Variants in ZCWPW2 observed in about 807,000 individuals in gnomAD.
ZCWPW2 encodes zinc finger CW-type and PWWP domain containing 2, also known as zinc finger CW-type PWWP domain protein 2.
ZCWPW2 carries 45 observed loss-of-function variants against 46.6 expected under a neutral mutation model. The ratio of observed to expected loss-of-function variants is 0.96; its 90% CI spans 0.76 to 1.24. The LOEUF (loss-of-function observed/expected upper bound fraction) is 1.24, where lower values mean the gene tolerates loss of function less well. Among genes scored for constraint, ZCWPW2 ranks in the 50% most tolerant of loss-of-function variants. ZCWPW2 has a pLI of 0.00. For synonymous variants in ZCWPW2, 152 were observed against 137.1 expected (o/e 1.11, Z -0.76); for missense variants, 429 against 403.9 (o/e 1.06, Z -0.53).
At chr3:28,352,125 T>TGC (rs1479239971) in intron 1 of ZCWPW2, among the ~76,000 whole-genome samples, 7 of 88,036 alleles carry the variant, frequency 8.0e-5, no homozygotes, top group Admixed American at 1.2e-4. Flanking sequence ...CTCAGATGTA[T>TGC]GCACACACAC....
chr3:28,443,033 C>A (rs183749012), intron 4 of ZCWPW2, among the ~76,000 whole-genome samples: 3 of 152,118 alleles, frequency 2.0e-5, no homozygotes, highest in Non-Finnish European at 2.9e-5. Flanking sequence ...TATGTCTATG[C>A]GAATTATGCA....
Position 28,393,087 on chromosome 3 carries a change from GAAATA to G in ZCWPW2, c.-14+2477_-14+2481del, listed in dbSNP as rs145959690. Among the ~76,000 whole-genome samples the G allele has an allele frequency of 3.5e-3, 528 of 151,692 alleles. 11 individuals carry two copies. Among genetic ancestry groups the G allele is most frequent in the East Asian group, 0.026 (136 of 5,168 alleles). ...ACTAAGAAAAAGGAGAGAGAAGACT[GAAATA>G]AAATAAGAAATGAAAAAGGAGACAT... is the stretch of plus-strand genomic sequence containing the variant. On this transcript the variant is annotated intron_variant, in intron 2 of 9. Transcript: ENST00000383768.
intron 4 of ZCWPW2, among the ~76,000 whole-genome samples, chr3:28,474,620 T>TGTGTGCGCGC (rs777191108): frequency 8.2e-6 from 1 of 121,630 alleles, no homozygotes; most frequent in Non-Finnish European, 1.9e-5. Flanking sequence ...TGTGTGTGTG[T>TGTGTGCGCGC]GCGCGCGCGC....
At chr3:28,356,913 T>C (rs1207670649) in intron 1 of ZCWPW2, among the ~76,000 whole-genome samples, 1 of 151,984 alleles carries the variant, frequency 6.6e-6, no homozygotes, top group Non-Finnish European at 1.5e-5. Flanking sequence ...AAATGACGAG[T>C]TAATGGGTGC....
chr3:28,441,382 C>G (rs1183410163), intron 4 of ZCWPW2, among the ~76,000 whole-genome samples: 1 of 152,232 alleles, frequency 6.6e-6, no homozygotes, highest in African/African-American at 2.4e-5. Context: ...AATCACACAT[C>G]TGGCGATTTC....
chr3:28,420,772 T>G (rs940053067), intron 3 of ZCWPW2, among the ~76,000 whole-genome samples: 2 of 152,082 alleles, frequency 1.3e-5, no homozygotes, highest in African/African-American at 4.8e-5. Context: ...TCTTGAGTAC[T>G]TTTATATGAA....
At chr3:28,364,742 C>T (rs1482034142) in intron 1 of ZCWPW2, among the ~76,000 whole-genome samples, 1 of 152,012 alleles carries the variant, frequency 6.6e-6, no homozygotes, top group African/African-American at 2.4e-5. Context: ...GTGCTGCACC[C>T]ACTGACTTCC....
chr3:28,462,326 GAA>G (rs1328771775), intron 4 of ZCWPW2, among the ~76,000 whole-genome samples: 3 of 152,220 alleles, frequency 2.0e-5, no homozygotes, highest in Non-Finnish European at 4.4e-5. Flanking sequence ...CCTAGACTCT[GAA>G]AAGATTCTTT....
intron 1 of ZCWPW2, among the ~76,000 whole-genome samples, chr3:28,372,875 A>G (rs1472885167): frequency 6.6e-6 from 1 of 152,090 alleles, no homozygotes; most frequent in Middle Eastern, 3.2e-3. Flanking sequence ...AACTTGTGGT[A>G]TTTGATTTTC....
At position 28,365,832 on chromosome 3, in the gene ZCWPW2, G is replaced by C. The variant is rs1268800452; in HGVS notation, c.-134+16629G>C. ...TCCTCTTTTATTTCGTTGAGCAGTG[G>C]TTTGTAGTTTTCCTTGAAGAGGTCC... On this transcript the variant is annotated intron_variant, in intron 1 of 9. Transcript: ENST00000383768. Among the ~76,000 whole-genome samples, 2 of 141,078 alleles carry C rather than the reference G, an allele frequency of 1.4e-5. 1 individual carries two copies. The highest frequency in any genetic ancestry group is 1.5e-4 in the Admixed American group (2 of 13,206). 92.6% of individuals were successfully genotyped at this position (141,078 alleles called of 152,430 possible).
At chr3:28,473,725 A>G (rs1316854140) in intron 4 of ZCWPW2, among the ~76,000 whole-genome samples, 2 of 152,224 alleles carry the variant, frequency 1.3e-5, no homozygotes, top group Non-Finnish European at 2.9e-5. Context: ...ATTCATTTGC[A>G]ACAACATGGA....
At chr3:28,473,835 T>C (rs1477739347) in intron 4 of ZCWPW2, among the ~76,000 whole-genome samples, 2 of 152,156 alleles carry the variant, frequency 1.3e-5, no homozygotes, top group Admixed American at 6.5e-5. Context: ...AGAGTTGAAC[T>C]CATGGATATC....
chr3:28,364,543 C>A (rs1705055441), intron 1 of ZCWPW2, among the ~76,000 whole-genome samples: 1 of 152,058 alleles, frequency 6.6e-6, no homozygotes, highest in Non-Finnish European at 1.5e-5. Context: ...GTTTTTCATA[C>A]TGATTGTATT....
rs866336470 is a variant in ZCWPW2, at chr3:28,355,218, C to G, written c.-134+6015C>G. 6.5e-3 allele frequency among the ~76,000 whole-genome samples: 988 copies of G among 151,764 alleles called. 10 individuals are homozygous for G. Among genetic ancestry groups the G allele is most frequent in the African/African-American group, 0.011 (441 of 41,418 alleles). On this transcript the variant is annotated intron_variant, in intron 1 of 9. Transcript: ENST00000383768. ...TTCTTATACACCAATAACAGACAAA[C>G]AGTCAAATCATGAGTGAACTCCCAT... is the stretch of plus-strand genomic sequence containing the variant.
At chr3:28,462,930 G>C (rs571971463) in intron 4 of ZCWPW2, among the ~76,000 whole-genome samples, 12 of 152,108 alleles carry the variant, frequency 7.9e-5, no homozygotes, top group Admixed American at 7.9e-4. Context: ...TGAGGTTAAG[G>C]CTTTCAGTTG....
intron 1 of ZCWPW2, among the ~76,000 whole-genome samples, chr3:28,356,784 C>T (rs962315089): frequency 2.0e-5 from 3 of 152,114 alleles, no homozygotes; most frequent in Non-Finnish European, 2.9e-5. Context: ...TGTTCTCACT[C>T]ATAGGTGGGA....
At chr3:28,421,865 TGTGTGTG>T (rs1559497754) in intron 3 of ZCWPW2, among the ~76,000 whole-genome samples, 45 of 151,468 alleles carry the variant, frequency 3.0e-4, no homozygotes, top group African/African-American at 1.1e-3. Flanking sequence ...TGTGTGTGTG[TGTGTGTG>T]TGTGTTTAGC....
chr3:28,350,531 G>A (rs1050505083), intron 1 of ZCWPW2, among the ~76,000 whole-genome samples: 1 of 152,126 alleles, frequency 6.6e-6, no homozygotes, highest in Non-Finnish European at 1.5e-5. Context: ...TAACCAGGAT[G>A]TACAAATTTT....
At chr3:28,503,923 G>A (rs1700212712) in intron 6 of ZCWPW2, among the ~76,000 whole-genome samples, 1 of 151,924 alleles carries the variant, frequency 6.6e-6, no homozygotes, top group Non-Finnish European at 1.5e-5. Flanking sequence ...TTGCCAAGCA[G>A]GGTGGCTCAT....
Sources: gnomAD v4.1 joint callset for allele counts (sites outside exome capture counted in the v4.1 genomes callset) on GRCh38, gnomAD v4.1.1 for gene constraint, MANE v1.5 for transcripts, NCBI Gene and HGNC (gene_info 2026-07-23, HGNC 2026-07-21) for gene names.